The following CDK14 variants were observed in gnomAD, a reference collection of about 807,000 sequenced individuals.
CDK14 encodes cyclin dependent kinase 14.
In CDK14, 34 loss-of-function variants were observed where a neutral mutation model predicts 60.7. The observed-to-expected ratio is 0.56, with a 90% CI of 0.43 to 0.75. CDK14 has a LOEUF of 0.75. CDK14 is among the 30% of genes least tolerant of loss of function. The probability of loss-of-function intolerance (pLI) is 0.00; values close to 1 mark genes in which losing one functional copy is unlikely to be tolerated. For missense variants in CDK14, 482 were observed against 564.1 expected, an observed-to-expected ratio of 0.85 and a Z score of 1.47; for synonymous variants, 197 against 203.7, an observed-to-expected ratio of 0.97 and a Z score of 0.28.
chr7:91,009,820 C>T (rs1430033972), intron 10 of CDK14, among the ~76,000 whole-genome samples: 7 of 152,138 alleles, frequency 4.6e-5, no homozygotes, highest in South Asian at 2.1e-4. Context: ...GAGCAAGAGA[C>T]ATAATTTTGA....
At chr7:91,160,853 T>A (rs803170) in intron 14 of CDK14, among the ~76,000 whole-genome samples, 144,720 of 152,288 alleles carry the variant, frequency 0.95, 68,797 homozygotes, top group East Asian at 1. Context: ...TACATTTAAA[T>A]ATCCTCATTT....
intron 2 of CDK14, among the ~76,000 whole-genome samples, chr7:90,642,110 G>C (rs916623717): frequency 1.5e-4 from 23 of 152,204 alleles, no homozygotes; most frequent in African/African-American, 5.6e-4. Flanking sequence ...TGGGGACGCA[G>C]AGCCAAACCA....
intron 5 of CDK14, among the ~76,000 whole-genome samples, chr7:90,795,868 C>T (rs774071893): frequency 6.6e-5 from 10 of 152,032 alleles, no homozygotes; most frequent in Non-Finnish European, 1.5e-4. Flanking sequence ...CAAGAAGGTT[C>T]GTAGTGGTAT....
chr7:90,963,931 G>C (rs1425681840), intron 9 of CDK14, among the ~76,000 whole-genome samples: 1 of 151,898 alleles, frequency 6.6e-6, no homozygotes, highest in Non-Finnish European at 1.5e-5. Context: ...GGTCAGGCTG[G>C]TCTCGAACTC....
At chr7:90,847,161 G>A (rs1790497145) in intron 5 of CDK14, among the ~76,000 whole-genome samples, 1 of 152,166 alleles carries the variant, frequency 6.6e-6, no homozygotes, top group African/African-American at 2.4e-5. Flanking sequence ...GTCTACTCCA[G>A]AGCTAACCTA....
chr7:90,706,610 C>T (rs1253225249), intron 2 of CDK14, among the ~76,000 whole-genome samples: 1 of 152,026 alleles, frequency 6.6e-6, no homozygotes, highest in Non-Finnish European at 1.5e-5. Flanking sequence ...AGAGGAAAGC[C>T]AGAGAAGGAC....
chr7:91,091,000 G>C (rs73230834), intron 12 of CDK14, among the ~76,000 whole-genome samples: 1 of 34,600 alleles, frequency 2.9e-5, no homozygotes, highest in Admixed American at 2.7e-4. Flanking sequence ...TTTTGTTTGT[G>C]TGTGTGTGTG....
At chr7:90,945,149 CAGGGTAAAGCCCAG>C (rs1794063492) in intron 8 of CDK14, among the ~76,000 whole-genome samples, 1 of 152,164 alleles carries the variant, frequency 6.6e-6, no homozygotes, top group South Asian at 2.1e-4. Context: ...ATTTGGACTT[CAGGGTAAAGCCCAG>C]AGGATCTATT....
intron 2 of CDK14, among the ~76,000 whole-genome samples, chr7:90,696,501 TG>T (rs1159026753): frequency 6.6e-6 from 1 of 152,020 alleles, no homozygotes. Context: ...CCACCATGCC[TG>T]GTTAATTTTT....
chr7:91,150,954 T>C (rs536044350), intron 14 of CDK14, among the ~76,000 whole-genome samples: 1 of 152,242 alleles, frequency 6.6e-6, no homozygotes, highest in African/African-American at 2.4e-5. Flanking sequence ...CTATTTCTTA[T>C]TTGCCTCATT....
At chr7:90,949,537 T>C (rs1794194837) in intron 8 of CDK14, among the ~76,000 whole-genome samples, 1 of 152,178 alleles carries the variant, frequency 6.6e-6, no homozygotes, top group African/African-American at 2.4e-5. Context: ...CTGTGCCGTT[T>C]AGGATATATA....
chr7:91,181,148 ATTGT>A (rs1801987861), intron 14 of CDK14, among the ~76,000 whole-genome samples: 1 of 152,158 alleles, frequency 6.6e-6, no homozygotes, highest in African/African-American at 2.4e-5. Flanking sequence ...CATTTCTCTG[ATTGT>A]TCTGTCAACA....
intron 3 of CDK14, among the ~76,000 whole-genome samples, chr7:90,730,188 T>A (rs1029817459): frequency 6.6e-6 from 1 of 152,198 alleles, no homozygotes; most frequent in African/African-American, 2.4e-5. Flanking sequence ...CATGAACTCA[T>A]CCTTTTTTAT....
intron 7 of CDK14, among the ~76,000 whole-genome samples, chr7:90,901,816 C>A (rs1048430196): frequency 6.6e-6 from 1 of 151,810 alleles, no homozygotes; most frequent in African/African-American, 2.4e-5. Context: ...AAAAGAAGTC[C>A]TCTGATCATC....
intron 5 of CDK14, among the ~76,000 whole-genome samples, chr7:90,852,765 G>A (rs3802028): frequency 0.37 from 55,952 of 152,028 alleles, 10,648 homozygotes; most frequent in South Asian, 0.42. Context: ...GGCAGAGCTC[G>A]CTCAGGGCTG....
chr7:90,704,086 C>T (rs1801844880), intron 2 of CDK14, among the ~76,000 whole-genome samples: 3 of 152,142 alleles, frequency 2.0e-5, no homozygotes, highest in South Asian at 4.1e-4. Flanking sequence ...GAGTGAGACC[C>T]TGTCTCAAAA....
At chr7:90,923,807 G>A (rs1793327759) in intron 8 of CDK14, among the ~76,000 whole-genome samples, 1 of 152,162 alleles carries the variant, frequency 6.6e-6, no homozygotes, top group South Asian at 2.1e-4. Context: ...AGAATTGTTG[G>A]CAGTAAATCA....
chr7:91,042,628 G>C (rs1797121555), intron 10 of CDK14, among the ~76,000 whole-genome samples: 1 of 152,174 alleles, frequency 6.6e-6, no homozygotes, highest in African/African-American at 2.4e-5. Context: ...TGGATGTGTA[G>C]AAGACTTTTC....
intron 14 of CDK14, among the ~76,000 whole-genome samples, chr7:91,128,508 G>C (rs1800017103): frequency 6.6e-6 from 1 of 152,050 alleles, no homozygotes; most frequent in Non-Finnish European, 1.5e-5. Context: ...CTAACGTTAA[G>C]ATTTTTTATC....
Sources: gnomAD v4.1 joint callset for allele counts (sites outside exome capture counted in the v4.1 genomes callset) on GRCh38, gnomAD v4.1.1 for gene constraint, MANE v1.5 for transcripts, NCBI Gene and HGNC (gene_info 2026-07-23, HGNC 2026-07-21) for gene names.